Variants in CLPB observed in about 807,000 individuals in gnomAD.
CLPB encodes the protein mitochondrial disaggregase.
In CLPB, 40 loss-of-function variants were observed where a neutral mutation model predicts 78.4. The ratio of observed to expected loss-of-function variants is 0.51; its 90% CI spans 0.40 to 0.66. The LOEUF (loss-of-function observed/expected upper bound fraction) is 0.66, where lower values mean the gene tolerates loss of function less well. Among genes scored for constraint, CLPB ranks in the 30% least tolerant of loss-of-function variants. The pLI is 0.00. For synonymous variants in CLPB, 333 were observed against 348.0 expected, an observed-to-expected ratio of 0.96 and a Z score of 0.48; for missense variants, 780 against 886.9, an observed-to-expected ratio of 0.88 and a Z score of 1.53.
chr11:72,412,001 C>A (rs1477500944), intron 2 of CLPB: 1 of 152,356 alleles, frequency 6.6e-6, no homozygotes, highest in South Asian at 2.1e-4. Context: ...CCAGGCCCTG[C>A]TGTCTGAGCA....
chr11:72,402,928 C>A, intron 3 of CLPB, 38 bp downstream of exon 3: 2 of 1,568,922 alleles, frequency 1.3e-6, no homozygotes, highest in South Asian at 2.2e-5. Flanking sequence ...CTGCAGAGAT[C>A]TGCCTAAAGG....
At chr11:72,407,331 T>C (rs901420233) in intron 2 of CLPB, among the ~76,000 whole-genome samples, 3 of 152,240 alleles carry the variant, frequency 2.0e-5, no homozygotes, top group Admixed American at 1.3e-4. Context: ...CACTTGGCCA[T>C]AGCCAGCTTT....
chr11:72,378,018 G>GTT (rs1240973746), intron 4 of CLPB, among the ~76,000 whole-genome samples: 1 of 152,204 alleles, frequency 6.6e-6, no homozygotes, highest in Non-Finnish European at 1.5e-5. Context: ...AATGTTGAAT[G>GTT]TGAGTATCAC....
rs532512796 is a variant in CLPB, at chr11:72,329,943, C to T, written c.776-139G>A. 287 of 619,242 alleles carry T rather than the reference C, an allele frequency of 4.6e-4. 4 individuals are homozygous for T. The South Asian group carries it at 5.3e-3, about 11-fold the overall frequency. 38.4% of individuals were successfully genotyped at this position (619,242 alleles called of 1,614,324 possible). A position where few individuals can be genotyped will look rare whatever the true frequency, so the allele number is the denominator to read the frequency against. ...CTACAAATGGTGGAAAAACATGGTA[C>T]TGGGGCTCCTACATGTGCATGCACA... On this transcript the variant is annotated intron_variant, in intron 5 of 15. Coordinates refer to ENST00000538039, the MANE Select transcript of CLPB (RefSeq NM_001258392.3).
intron 2 of CLPB, among the ~76,000 whole-genome samples, chr11:72,412,338 GT>G (rs916009857): frequency 1.1e-4 from 16 of 152,234 alleles, no homozygotes; most frequent in African/African-American, 3.9e-4. Flanking sequence ...CTCCAAGGGA[GT>G]GAGAGCAGTG....
chr11:72,384,823 G>A (rs550574090), intron 3 of CLPB, among the ~76,000 whole-genome samples: 1 of 152,080 alleles, frequency 6.6e-6, no homozygotes, highest in African/African-American at 2.4e-5. Context: ...AATAATAAAG[G>A]GGTCAATTAA....
At position 72,430,260 on chromosome 11, in the gene CLPB, G is replaced by A. The variant is rs115432704; in HGVS notation, c.455+52C>T. ...AAAGTCATCACACGAGAAGAGGCTC[G>A]CCCTGCTCAGCCTCTCCTGTAGGGG... On this transcript the variant is annotated intron_variant, in intron 2 of 15. Transcript: ENST00000538039. 5.0e-4 allele frequency: 769 copies of A among 1,537,346 alleles called. 7 individuals are homozygous for A. The African/African-American group carries it at 9.0e-3, about 18-fold the overall frequency.
intron 9 of CLPB, 152 bp downstream of exon 9, chr11:72,307,047 C>A: frequency 1.7e-6 from 1 of 602,678 alleles, no homozygotes. Context: ...CAACTGGTGG[C>A]CAAGTTGGGG....
chr11:72,329,442 G>T (rs565281862), intron 6 of CLPB, among the ~76,000 whole-genome samples: 2 of 152,270 alleles, frequency 1.3e-5, no homozygotes, highest in Non-Finnish European at 2.9e-5. Context: ...AAATTTAAAG[G>T]TAATGCTCAG....
At chr11:72,424,951 C>T (rs1279740305) in intron 2 of CLPB, among the ~76,000 whole-genome samples, 1 of 152,038 alleles carries the variant, frequency 6.6e-6, no homozygotes, top group East Asian at 1.9e-4. Flanking sequence ...TGGCATGCAC[C>T]TCTAATTCCA....
At chr11:72,351,713 A>G (rs1422526734) in intron 5 of CLPB, among the ~76,000 whole-genome samples, 1 of 152,146 alleles carries the variant, frequency 6.6e-6, no homozygotes, top group Non-Finnish European at 1.5e-5. Flanking sequence ...CTGGGATTAC[A>G]GGCACCTGCC....
chr11:72,305,405 G>A (rs1435416862), intron 9 of CLPB, among the ~76,000 whole-genome samples: 1 of 152,232 alleles, frequency 6.6e-6, no homozygotes, highest in African/African-American at 2.4e-5. Flanking sequence ...TACAAGTCAA[G>A]GAATAGGCAC....
chr11:72,405,442 A>AT (rs879257311), intron 2 of CLPB, among the ~76,000 whole-genome samples: 40 of 152,016 alleles, frequency 2.6e-4, no homozygotes, highest in Non-Finnish European at 5.6e-4. Context: ...TCTCAAAAAC[A>AT]TTTTTTTTAC....
At chr11:72,380,462 T>C (rs1322427622) in intron 3 of CLPB, 78 bp from the exon 4 acceptor site, 7 of 1,120,216 alleles carry the variant, frequency 6.2e-6, no homozygotes, top group Non-Finnish European at 9.4e-6. Flanking sequence ...GGAAGCATGT[T>C]TGGGGACTGG....
In CLPB at chr11:72,294,122, T is replaced by C. The variant is rs1949504008; in HGVS notation, c.1685A>G (p.Lys562Arg). ...GAGCAGCGTGATGTTGTGCCTTTGC[T>C]TGGCCTGAGATGGGTCAGATAGAAG... The part of the protein sequence containing the change: ...KELNFWAKRA[K>R]QRHNITLLWD... The change falls in exon 15 of 16, where the codon AAG (lysine) becomes AGG (arginine). Residue 562 changes from lysine (K) to arginine (R), a missense_variant. Lys to Arg is a conservative substitution (Grantham distance 26). Around this residue, in one of 3 missense-constraint regions of CLPB, gnomAD observed 272 missense variants for 304.0 expected, o/e 0.89. Coordinates refer to ENST00000538039, the MANE Select transcript of CLPB (RefSeq NM_001258392.3). 6.2e-7 allele frequency: 1 copy of C among 1,613,940 alleles called. No homozygotes were observed. The highest frequency in any genetic ancestry group is 8.5e-7 in the Non-Finnish European group (1 of 1,179,958).
At chr11:72,310,973 A>C (rs868764946) in intron 7 of CLPB, 1 of 152,170 alleles carries the variant, frequency 6.6e-6, no homozygotes. Context: ...AATGCCAGGC[A>C]GACTTCACTG....
In CLPB at chr11:72,313,880, C is replaced by T. The variant is rs367549805; in HGVS notation, c.988+3226G>A. Among the ~76,000 whole-genome samples, 13 of 152,258 alleles carry T rather than the reference C, an allele frequency of 8.5e-5. No homozygotes were observed. In the East Asian group the frequency reaches 1.7e-3, roughly 20 times the overall value. Reference sequence around the variant, plus strand: ...AGGTCTTGAATGTCTCAGCAGACAACGTGGAAGGGCAGGGCAGTCCAGCAA... The same window carrying T: ...AGGTCTTGAATGTCTCAGCAGACAATGTGGAAGGGCAGGGCAGTCCAGCAA... On this transcript the variant is annotated intron_variant, in intron 7 of 15. Transcript: ENST00000538039.
intron 7 of CLPB, among the ~76,000 whole-genome samples, chr11:72,309,208 G>A (rs1273844578): frequency 6.6e-6 from 1 of 152,186 alleles, no homozygotes; most frequent in African/African-American, 2.4e-5. Context: ...TACCAGAGAT[G>A]CTGACCATAG....
intron 2 of CLPB, among the ~76,000 whole-genome samples, chr11:72,412,545 C>T (rs1233670748): frequency 1.3e-5 from 2 of 152,140 alleles, no homozygotes; most frequent in African/African-American, 2.4e-5. Context: ...GCTCAGAAAG[C>T]GTCCCCTTTG....
Sources: gnomAD v4.1 joint callset for allele counts (sites outside exome capture counted in the v4.1 genomes callset) on GRCh38, gnomAD v4.1.1 for gene constraint, gnomAD v4.1.1 regional missense constraint, MANE v1.5 for transcripts, NCBI Gene and HGNC (gene_info 2026-07-23, HGNC 2026-07-21) for gene names.